FPGS: variants seen among roughly 807,000 people sequenced by gnomAD.
FPGS encodes folylpolyglutamate synthase, mitochondrial.
FPGS carries 53 observed loss-of-function variants against 66.5 expected under a neutral mutation model. That is an observed-to-expected ratio of 0.80 (90% CI 0.64 to 1.00). The LOEUF is 1.00. Ranked by LOEUF, FPGS falls within the 50% of genes least tolerant of loss-of-function variation. The pLI, the probability that FPGS is intolerant of heterozygous loss-of-function variation, is 0.00. For synonymous variants in FPGS, 348 were observed against 350.9 expected, an observed-to-expected ratio of 0.99 and a Z score of 0.09; for missense variants, 702 against 807.7, an observed-to-expected ratio of 0.87 and a Z score of 1.59.
intron 1 of FPGS, 128 bp downstream of exon 1, chr9:127,803,190 G>A (rs1252500544): frequency 4.8e-6 from 6 of 1,254,038 alleles, no homozygotes; most frequent in African/African-American, 3.1e-5. Flanking sequence ...GACTCGGGGG[G>A]CGGAACATCC....
chr9:127,803,137 G>C, intron 1 of FPGS, 75 bp downstream of exon 1: 1 of 1,275,102 alleles, frequency 7.8e-7, no homozygotes, highest in South Asian at 2.6e-5. Context: ...CAGAACATCC[G>C]GGCTCCGCTA....
intron 9 of FPGS, 22 bp downstream of exon 9, chr9:127,808,333 C>A: frequency 1.2e-6 from 2 of 1,603,828 alleles, no homozygotes; most frequent in Non-Finnish European, 1.7e-6. Flanking sequence ...TGGAATGGGG[C>A]AGCGGCAGGG....
At position 127,808,499 on chromosome 9, in the gene FPGS, C is replaced by T. The variant is rs1829914334; in HGVS notation, c.823-59C>T. The T allele has an allele frequency of 1.2e-5, 19 of 1,599,474 alleles. No homozygotes were observed. The Admixed American group carries it at 2.0e-4, about 17-fold the overall frequency. On this transcript the variant is annotated intron_variant, in intron 9 of 14. Coordinates refer to ENST00000373247, the MANE Select transcript of FPGS (RefSeq NM_004957.6). ...TGGTGGCTGGGGGAGGGGAGAGATG[C>T]AAGGGCTGACGTGGTCAGGGAGGGC... is the stretch of plus-strand genomic sequence containing the variant.
chr9:127,803,990 G>A (rs1297102561), intron 1 of FPGS, among the ~76,000 whole-genome samples: 1 of 152,262 alleles, frequency 6.6e-6, no homozygotes, highest in Non-Finnish European at 1.5e-5. Flanking sequence ...AGGCCCAGGA[G>A]TGAAGTCGGG....
intron 14 of FPGS, among the ~76,000 whole-genome samples, 163 bp from the exon 15 acceptor site, chr9:127,813,032 T>A (rs547169802): frequency 6.6e-6 from 1 of 152,332 alleles, no homozygotes; most frequent in South Asian, 2.1e-4. Context: ...AGCCTCAGTT[T>A]CTTCACTGTG....
Position 127,808,715 on chromosome 9 carries a change from C to T in FPGS, c.970+10C>T. 3.8e-6 allele frequency: 6 copies of T among 1,577,090 alleles called. No individual in the cohort carries two copies. The highest frequency in any genetic ancestry group is 1.2e-5 in the South Asian group (1 of 86,552). On this transcript the variant is annotated intron_variant, in intron 10 of 14. Coordinates refer to ENST00000373247, the MANE Select transcript of FPGS (RefSeq NM_004957.6). ...CGGCAGGACCGCCATGGTGAGTGGG[C>T]AGCTGAGTGGGCAGGCAGGTGGGTG...
At chr9:127,806,946 T>C in intron 4 of FPGS, 27 bp from the exon 5 acceptor site, 5 of 1,573,794 alleles carry the variant, frequency 3.2e-6, no homozygotes, top group Non-Finnish European at 4.4e-6. Flanking sequence ...GGGAAGGGAG[T>C]CCTGATGACC....
intron 3 of FPGS, 35 bp from the exon 4 acceptor site, chr9:127,804,601 G>A (rs1396169754): frequency 6.2e-7 from 1 of 1,614,066 alleles, no homozygotes; most frequent in Non-Finnish European, 8.5e-7. Context: ...GGCTGGTGGA[G>A]TAGAGCCTGC....
Position 127,803,054 on chromosome 9 carries a change from G to T in FPGS, c.130G>T (p.Glu44Ter), listed in dbSNP as rs1829665297. 7.0e-7 allele frequency: 1 copy of T among 1,421,688 alleles called. No individual in the cohort carries two copies. Among genetic ancestry groups the T allele is most frequent in the Non-Finnish European group, 9.1e-7 (1 of 1,095,434 alleles). The allele number at this position is 1,421,688 out of a possible 1,614,324, so 88.1% of individuals were successfully genotyped here. A position where few individuals can be genotyped will look rare whatever the true frequency, so the allele number is the denominator to read the frequency against. The change falls in exon 1 of 15, where the codon GAG (glutamate) becomes TAG (stop). Residue 44 changes from glutamate (E) to a stop codon, truncating the protein, a stop_gained. Coordinates refer to ENST00000373247, the MANE Select transcript of FPGS (RefSeq NM_004957.6). LOFTEE classifies it high-confidence loss of function. ...GCCGGTGCCGCAGGAGCCGAGCATG[G>T]AGTACCAGGTATCAGGCGGGCCAGC... Reference protein sequence around the residue: ...AWPVPQEPSMEYQDAVRMLNT... With the variant: ...AWPVPQEPSM
chr9:127,808,405 C>G (rs1340241393), intron 9 of FPGS, 94 bp downstream of exon 9: 4 of 1,489,476 alleles, frequency 2.7e-6, no homozygotes, highest in Non-Finnish European at 3.7e-6. Context: ...GTTTGCCCAT[C>G]TGTGCAGTGA....
At chr9:127,803,184 C>A in intron 1 of FPGS, 122 bp downstream of exon 1, 1 of 944,624 alleles carries the variant, frequency 1.1e-6, no homozygotes, top group Non-Finnish European at 1.2e-6. Flanking sequence ...CTGGGGGACT[C>A]GGGGGGCGGA....
At position 127,807,269 on chromosome 9, in the gene FPGS, G is replaced by A. The variant is rs746440861; in HGVS notation, c.562G>A (p.Val188Ile). The change falls in exon 6 of 15, where the codon GTC (valine) becomes ATC (isoleucine). Residue 188 changes from valine (V) to isoleucine (I), a missense_variant. This residue lies in a region of FPGS where 240 missense variants were observed against 348.6 expected (regional missense o/e 0.69). Coordinates refer to ENST00000373247, the MANE Select transcript of FPGS (RefSeq NM_004957.6). The surrounding 1 kb of genome is among the most constrained non-coding windows in gnomAD (Gnocchi z 5.8). Reference sequence around the variant, plus strand: ...CTTCCTGACACTCATGGCCTTCCACGTCTTCCTCCAAGAGAAGGTGTGTGC... The same window carrying A: ...CTTCCTGACACTCATGGCCTTCCACATCTTCCTCCAAGAGAAGGTGTGTGC... The part of the protein sequence containing the change: ...FRFLTLMAFH[V>I]FLQEKVDLAV... 65 of 1,613,966 alleles carry A rather than the reference G, an allele frequency of 4.0e-5. No homozygotes were observed. The highest frequency in any genetic ancestry group is 5.3e-5 in the Non-Finnish European group (63 of 1,180,008).
At chr9:127,809,352 C>T (rs1351144203) in intron 11 of FPGS, among the ~76,000 whole-genome samples, 1 of 152,236 alleles carries the variant, frequency 6.6e-6, no homozygotes, top group Non-Finnish European at 1.5e-5. Flanking sequence ...AATGGTGGGC[C>T]CGCTGTGTGC....
At chr9:127,812,568 C>T (rs1241587635) in intron 14 of FPGS, among the ~76,000 whole-genome samples, 1 of 152,160 alleles carries the variant, frequency 6.6e-6, no homozygotes, top group Non-Finnish European at 1.5e-5. Flanking sequence ...ATGGCTTGAT[C>T]TCAGCTCACT....
chr9:127,806,686 G>A, intron 4 of FPGS: 2 of 453,248 alleles, frequency 4.4e-6, no homozygotes, highest in Admixed American at 6.7e-5. Flanking sequence ...TGACTGATTG[G>A]TATGGGACTG....
Position 127,813,590 on chromosome 9 carries a change from G to T in FPGS, c.1750G>T (p.Ala584Ser), listed in dbSNP as rs184755219. ...TGGTGTCCTGAAGCTGCTGGAGCCC[G>T]CACTGTCCCAGTAGCCAAGGCCCGG... ...VGGVLKLLEPALSQ is the reference protein window; with the variant it reads ...VGGVLKLLEPSLSQ The change falls in exon 15 of 15, where the codon GCA (alanine) becomes TCA (serine). Residue 584 changes from alanine (A) to serine (S), a missense_variant. By Grantham distance (99) the Ala-to-Ser change is moderately conservative. Around this residue, in one of 3 missense-constraint regions of FPGS, gnomAD observed 351 missense variants for 363.7 expected, o/e 0.97. Coordinates refer to ENST00000373247, the MANE Select transcript of FPGS (RefSeq NM_004957.6). 13 of 1,535,348 alleles carry T rather than the reference G, an allele frequency of 8.5e-6. No homozygotes were observed. The East Asian group carries it at 2.3e-4, about 27-fold the overall frequency.
Position 127,808,902 on chromosome 9 carries a change from T to G in FPGS, c.1060+13T>G. 6.5e-7 allele frequency: 1 copy of G among 1,548,220 alleles called. No individual in the cohort carries two copies. The highest frequency in any genetic ancestry group is 8.7e-7 in the Non-Finnish European group (1 of 1,143,940). On this transcript the variant is annotated intron_variant, in intron 11 of 14. Transcript: ENST00000373247. ...CACATGCGGCTCGGTGAGTTAGACCTTCCTGCCCAGCTGGGACCACTGCGT... is the reference window on the plus strand; with the variant it reads ...CACATGCGGCTCGGTGAGTTAGACCGTCCTGCCCAGCTGGGACCACTGCGT...
At chr9:127,812,121 C>T (rs1830105359) in intron 14 of FPGS, among the ~76,000 whole-genome samples, 2 of 151,988 alleles carry the variant, frequency 1.3e-5, no homozygotes, top group Admixed American at 6.6e-5. Flanking sequence ...TGGTGGTGTA[C>T]ACCCGTGGTC....
Position 127,810,947 on chromosome 9 carries a change from C to T in FPGS, c.1290C>T (p.Pro430=), listed in dbSNP as rs1228889626. 3.2e-6 allele frequency: 5 copies of T among 1,575,254 alleles called. No individual in the cohort carries two copies. Among genetic ancestry groups the T allele is most frequent in the Non-Finnish European group, 4.3e-6 (5 of 1,155,364 alleles). ...AAGTCTTTCCCTTGGCCTTCTAGCC[C>T]TGCCAGTTTGACTATGCCGTCTTCT... ...DPAALLKLLQ[P]CQFDYAVFCP... Residue 430 remains proline, a splice_region_variant and synonymous_variant, in exon 14 of 15, where the codon CCC becomes CCT. Coordinates refer to ENST00000373247, the MANE Select transcript of FPGS (RefSeq NM_004957.6).
Sources: gnomAD v4.1 joint callset for allele counts (sites outside exome capture counted in the v4.1 genomes callset) on GRCh38, gnomAD v4.1.1 for gene constraint, gnomAD v4.1.1 regional missense constraint, Gnocchi (gnomAD v3.1) non-coding constraint, MANE v1.5 for transcripts, NCBI Gene and HGNC (gene_info 2026-07-23, HGNC 2026-07-21) for gene names.